ENTPD6: variants seen among roughly 807,000 people sequenced by gnomAD.
ENTPD6 encodes the protein CD39 antigen-like 2.
In ENTPD6, 46 loss-of-function variants were observed where a neutral mutation model predicts 61.5. The observed-to-expected ratio is 0.75, with a 90% confidence interval of 0.59 to 0.96. The LOEUF is 0.96. Ranked by LOEUF, ENTPD6 falls within the 40% of genes least tolerant of loss-of-function variation. The pLI is 0.00. For missense variants in ENTPD6, 612 were observed against 629.0 expected, an observed-to-expected ratio of 0.97 and a Z score of 0.29; for synonymous variants, 252 against 255.5, an observed-to-expected ratio of 0.99 and a Z score of 0.13.
At chr20:25,212,120 CT>C (rs377361199) in intron 4 of ENTPD6, among the ~76,000 whole-genome samples, 82 of 152,278 alleles carry the variant, frequency 5.4e-4, no homozygotes, top group African/African-American at 1.7e-3. Flanking sequence ...GTGTTTTTCC[CT>C]TGGACAGATG....
intron 3 of ENTPD6, among the ~76,000 whole-genome samples, chr20:25,209,131 A>ATGGAGTCTCGCTCTGTCGCCCAGGC: frequency 7.1e-6 from 1 of 141,508 alleles, no homozygotes; most frequent in Non-Finnish European, 1.5e-5. Context: ...TTTTTTTGAG[A>ATGGAGTCTCGCTCTGTCGCCCAGGC]TGGAGTCTCG....
chr20:25,217,793 C>T (rs543723735), intron 9 of ENTPD6, among the ~76,000 whole-genome samples: 2 of 150,908 alleles, frequency 1.3e-5, no homozygotes, highest in Middle Eastern at 3.5e-3. Context: ...GCACATTCAC[C>T]CAGACCTCTC....
At chr20:25,213,886 G>A (rs2092145266) in intron 5 of ENTPD6, among the ~76,000 whole-genome samples, 1 of 152,182 alleles carries the variant, frequency 6.6e-6, no homozygotes, top group African/African-American at 2.4e-5. Flanking sequence ...GGAGGTCAAA[G>A]CTGCACTGAA....
At chr20:25,208,196 C>T (rs2091673494) in intron 3 of ENTPD6, among the ~76,000 whole-genome samples, 1 of 152,228 alleles carries the variant, frequency 6.6e-6, no homozygotes. Context: ...TTTCTAGCTG[C>T]TGTCTCCAAA....
chr20:25,197,535 G>A, intron 1 of ENTPD6, among the ~76,000 whole-genome samples: 1 of 152,194 alleles, frequency 6.6e-6, no homozygotes, highest in East Asian at 1.9e-4. Flanking sequence ...ACACATTCAC[G>A]CTGTGGTGTT....
rs545037398 is a variant in ENTPD6, at chr20:25,218,578, C to T, written c.907C>T (p.Arg303Cys). The T allele has an allele frequency of 3.7e-5, 60 of 1,608,442 alleles. No individual in the cohort carries two copies. Among genetic ancestry groups the T allele is most frequent in the African/African-American group, 8.0e-5 (6 of 75,040 alleles). ...SYLGLGLMSA[R>C]LAILGGVEGQ... ...CCTCGGGCTCGGGCTGATGTCGGCACGCCTGGCGATCCTGGGCGGCGTGGA... is the reference window on the plus strand; with the variant it reads ...CCTCGGGCTCGGGCTGATGTCGGCATGCCTGGCGATCCTGGGCGGCGTGGA... The change falls in exon 10 of 15, where the codon CGC becomes TGC. Residue 303 changes from arginine (R) to cysteine (C), a missense_variant. Physicochemically the swap from Arg to Cys is radical, Grantham distance 180. Coordinates refer to ENST00000376652, the MANE Select transcript of ENTPD6 (RefSeq NM_001247.5).
At chr20:25,195,928 T>A (rs2090337655) in intron 1 of ENTPD6, 61 bp downstream of exon 1, 2 of 1,196,752 alleles carry the variant, frequency 1.7e-6, no homozygotes, top group South Asian at 8.4e-5. Flanking sequence ...TAGGCGGGCC[T>A]CCCCCACGCG....
Position 25,225,577 on chromosome 20 carries a change from C to T in ENTPD6, c.1435C>T (p.Gln479Ter), listed in dbSNP as rs746317815. ...IFHYIDSLNRQKSPAS is the reference protein window; with the variant it reads ...IFHYIDSLNR ...TCATTACATCGACTCCCTGAACAGA[C>T]AGAAGAGTCCAGCCTCATAGTGGCC... The change falls in exon 15 of 15, where the codon CAG becomes TAG. Residue 479 changes from glutamine (Q) to a stop codon, truncating the protein, a stop_gained. Transcript: ENST00000376652. LOFTEE classifies it high-confidence loss of function. 2 of 1,613,990 alleles carry T rather than the reference C, an allele frequency of 1.2e-6. No individual in the cohort carries two copies. The highest frequency in any genetic ancestry group is 2.2e-5 in the South Asian group (2 of 91,068).
At chr20:25,206,969 G>A (rs557291962) in intron 2 of ENTPD6, 107 bp from the exon 3 acceptor site, 3 of 973,902 alleles carry the variant, frequency 3.1e-6, no homozygotes, top group South Asian at 3.2e-5. Context: ...GGGGAACACG[G>A]AGCAGTTTCA....
chr20:25,221,741 C>G, intron 11 of ENTPD6: 1 of 325,522 alleles, frequency 3.1e-6, no homozygotes, highest in Non-Finnish European at 6.0e-6. Flanking sequence ...AGCCCGCTGG[C>G]CCTGGGCAGG....
chr20:25,197,998 CT>C (rs138729334), intron 1 of ENTPD6, among the ~76,000 whole-genome samples: 1,684 of 152,228 alleles, frequency 0.011, 31 homozygotes, highest in African/African-American at 0.039. Flanking sequence ...TTGGTGCTGT[CT>C]TAGGGAAACC....
chr20:25,206,700 G>A (rs1400430935), intron 2 of ENTPD6, 110 bp downstream of exon 2: 4 of 845,992 alleles, frequency 4.7e-6, no homozygotes, highest in African/African-American at 1.7e-5. Flanking sequence ...AATCAGATAC[G>A]CGCTTCTGTT....
At chr20:25,204,896 C>T (rs915611947) in intron 1 of ENTPD6, among the ~76,000 whole-genome samples, 4 of 152,142 alleles carry the variant, frequency 2.6e-5, no homozygotes, top group African/African-American at 9.7e-5. Flanking sequence ...TGCTGTAGAT[C>T]GTTGCCTGTT....
At chr20:25,224,897 C>T (rs1324070693) in intron 13 of ENTPD6, 1 of 394,990 alleles carries the variant, frequency 2.5e-6, no homozygotes, top group Non-Finnish European at 4.5e-6. Flanking sequence ...AGGTTTTATG[C>T]AGCTTGACAC....
chr20:25,205,633 C>T (rs771407485), intron 1 of ENTPD6, among the ~76,000 whole-genome samples: 8 of 152,194 alleles, frequency 5.3e-5, no homozygotes, highest in African/African-American at 7.2e-5. Flanking sequence ...AGGGGCTGCA[C>T]GTTGGCACCT....
chr20:25,201,672 G>A (rs1393895807), intron 1 of ENTPD6, among the ~76,000 whole-genome samples: 2 of 152,184 alleles, frequency 1.3e-5, no homozygotes, highest in Admixed American at 1.3e-4. Context: ...TGAGCTTCTT[G>A]TAGATAGAAT....
In ENTPD6 at chr20:25,226,466, A is replaced by T. The variant is rs1175157498; in HGVS notation, c.*869A>T. 1 of 152,290 alleles carries T rather than the reference A, an allele frequency of 6.6e-6. No homozygotes were observed. The highest frequency in any genetic ancestry group is 2.0e-4 in the East Asian group (1 of 5,126). 9.4% of individuals were successfully genotyped at this position (152,290 alleles called of 1,614,324 possible). A position where few individuals can be genotyped will look rare whatever the true frequency, so the allele number is the denominator to read the frequency against. ...TCCCGCCTAGCCAGGGCCATGTCTT[A>T]GGTGCAGCTGTGCCACGGGTCAGCT... On this transcript the variant is annotated 3_prime_UTR_variant, in exon 15 of 15. Coordinates refer to ENST00000376652, the MANE Select transcript of ENTPD6 (RefSeq NM_001247.5).
intron 8 of ENTPD6, 71 bp downstream of exon 8, chr20:25,216,807 G>A (rs2092343261): frequency 6.9e-6 from 5 of 725,720 alleles, no homozygotes; most frequent in Non-Finnish European, 1.1e-5. Context: ...GCAGGGTGGG[G>A]CCTGCTGAGG....
intron 11 of ENTPD6, chr20:25,222,293 G>A: frequency 6.4e-6 from 1 of 155,630 alleles, no homozygotes; most frequent in Non-Finnish European, 1.4e-5. Flanking sequence ...ATGGGGCCTG[G>A]TGGAGGAGGA....
Sources: gnomAD v4.1 joint callset for allele counts (sites outside exome capture counted in the v4.1 genomes callset) on GRCh38, gnomAD v4.1.1 for gene constraint, MANE v1.5 for transcripts, NCBI Gene and HGNC (gene_info 2026-07-23, HGNC 2026-07-21) for gene names.